Variants in PRPF19 observed in about 807,000 individuals in gnomAD.
PRPF19 encodes pre-mRNA-processing factor 19.
In PRPF19, 2 loss-of-function variants were observed where a neutral mutation model predicts 64.2. That is an observed-to-expected ratio of 0.03 (90% confidence interval 0.01 to 0.10). The LOEUF (loss-of-function observed/expected upper bound fraction) is 0.10. PRPF19 is among the 10% of genes least tolerant of loss of function. PRPF19 has a pLI of 1.00. For missense variants in PRPF19, 314 were observed against 650.0 expected, an observed-to-expected ratio of 0.48 and a Z score of 5.62; for synonymous variants, 226 against 251.6, an observed-to-expected ratio of 0.90 and a Z score of 0.96.
chr11:60,892,192 T>C lies in PRPF19; in HGVS notation c.1418-929A>G, dbSNP rs376779304. On this transcript the variant is annotated intron_variant, in intron 15 of 15. Coordinates refer to ENST00000227524, the MANE Select transcript of PRPF19 (RefSeq NM_014502.5). Reference sequence around the variant, plus strand: ...AGTCACGTACCCAGGGCCACATAACTGTTAGGTTAGAAACCCTGTTACCCA... The same window carrying C: ...AGTCACGTACCCAGGGCCACATAACCGTTAGGTTAGAAACCCTGTTACCCA... 4.3e-4 allele frequency among the ~76,000 whole-genome samples: 66 copies of C among 152,316 alleles called. No homozygotes were observed. In the South Asian group the frequency reaches 0.013, roughly 30 times the overall value.
At chr11:60,899,460 C>T (rs913901770) in intron 10 of PRPF19, among the ~76,000 whole-genome samples, 156 bp from the exon 11 acceptor site, 4 of 152,228 alleles carry the variant, frequency 2.6e-5, no homozygotes, top group Non-Finnish European at 5.9e-5. Flanking sequence ...CAATGGTGCC[C>T]AAGACAGCCA....
At chr11:60,906,211 G>C (rs948116956) in intron 1 of PRPF19, among the ~76,000 whole-genome samples, 153 bp downstream of exon 1, 1 of 148,284 alleles carries the variant, frequency 6.7e-6, no homozygotes, top group Middle Eastern at 3.2e-3. Flanking sequence ...CCGCTCCGAC[G>C]GGGGGGGCTC....
intron 1 of PRPF19, among the ~76,000 whole-genome samples, chr11:60,905,921 C>T (rs1356696137): frequency 6.6e-6 from 1 of 152,232 alleles, no homozygotes; most frequent in Non-Finnish European, 1.5e-5. Context: ...CTCCGACTAT[C>T]CGAGCGAGGC....
At position 60,906,561 on chromosome 11, in the gene PRPF19, CAGCCTTCAGCACCTA is replaced by C; in HGVS notation, c.-194_-180del. ...TGGGAATGGGGACAGCCGCGCGCCACAGCCTTCAGCACCTAACGGAAATTGCCCTTTCCCAGAATG... is the reference window on the plus strand; with the variant it reads ...TGGGAATGGGGACAGCCGCGCGCCACACGGAAATTGCCCTTTCCCAGAATG... On this transcript the variant is annotated 5_prime_UTR_variant, in exon 1 of 16. Transcript: ENST00000227524. The C allele has an allele frequency of 1.6e-6, 1 of 616,080 alleles. No homozygotes were observed. The highest frequency in any genetic ancestry group is 2.8e-6 in the Non-Finnish European group (1 of 362,846). The allele number at this position is 616,080 out of a possible 1,614,324, so 38.2% of individuals were successfully genotyped here. A position where few individuals can be genotyped will look rare whatever the true frequency, so the allele number is the denominator to read the frequency against.
In PRPF19 at chr11:60,901,552, C is replaced by A. The variant is rs761501074; in HGVS notation, c.526-12G>T. 61 of 1,614,122 alleles carry A rather than the reference C, an allele frequency of 3.8e-5. No individual in the cohort carries two copies. In the South Asian group the frequency reaches 6.5e-4, roughly 17 times the overall value. On this transcript the variant is annotated splice_polypyrimidine_tract_variant and intron_variant, in intron 6 of 15. Transcript: ENST00000227524. ...GCTTTGTCTTGAAGCTGGGGAAGAA[C>A]AGGCTCAATGTGAGACAAATCATCT...
At chr11:60,903,130 G>A (rs1331571054) in intron 3 of PRPF19, among the ~76,000 whole-genome samples, 1 of 152,132 alleles carries the variant, frequency 6.6e-6, no homozygotes, top group African/African-American at 2.4e-5. Context: ...CTAACTTACT[G>A]GCAAATCCCA....
In PRPF19 at chr11:60,898,061, G is replaced by A. The variant is rs1215224881; in HGVS notation, c.1311+40C>T. The stretch of plus-strand genomic sequence containing the variant: ...ATTCAATAAATAATTGACAAACAAG[G>A]AGACACAATGGAAAGCTGGGCGGAG... On this transcript the variant is annotated intron_variant, in intron 14 of 15. Coordinates refer to ENST00000227524, the MANE Select transcript of PRPF19 (RefSeq NM_014502.5). This position sits in a 1 kb window ranked among gnomAD's most constrained non-coding sequence, Gnocchi z 4.6. 2.5e-6 allele frequency: 4 copies of A among 1,609,290 alleles called. No homozygotes were observed. Among genetic ancestry groups the A allele is most frequent in the African/African-American group, 1.3e-5 (1 of 74,608 alleles).
intron 15 of PRPF19, among the ~76,000 whole-genome samples, chr11:60,893,660 T>C (rs891262740): frequency 1.3e-5 from 2 of 151,360 alleles, no homozygotes; most frequent in African/African-American, 4.9e-5. Context: ...TCACTACATA[T>C]AAAAGTTATG....
At chr11:60,899,945 T>C (rs1404627993) in intron 10 of PRPF19, among the ~76,000 whole-genome samples, 4 of 152,234 alleles carry the variant, frequency 2.6e-5, no homozygotes. Context: ...AACAGTGCTC[T>C]CAATTTGAAC....
At position 60,897,832 on chromosome 11, in the gene PRPF19, G is replaced by A. The variant is rs1365366374; in HGVS notation, c.1417+14C>T. The A allele has an allele frequency of 6.8e-6, 11 of 1,611,030 alleles. No individual in the cohort carries two copies. Among genetic ancestry groups the A allele is most frequent in the Non-Finnish European group, 9.3e-6 (11 of 1,177,440 alleles). On this transcript the variant is annotated intron_variant, in intron 15 of 15. Coordinates refer to ENST00000227524, the MANE Select transcript of PRPF19 (RefSeq NM_014502.5). The stretch of plus-strand genomic sequence containing the variant: ...CACCTAGAGAGATCCCAGGAGCCCA[G>A]GACCAGCCTCTACCTGTAAAGTGAA...
chr11:60,902,502 C>T lies in PRPF19; in HGVS notation c.463-37G>A. 6.2e-7 allele frequency: 1 copy of T among 1,609,838 alleles called. No homozygotes were observed. Among genetic ancestry groups the T allele is most frequent in the Non-Finnish European group, 8.5e-7 (1 of 1,176,074 alleles). On this transcript the variant is annotated intron_variant, in intron 5 of 15. Coordinates refer to ENST00000227524, the MANE Select transcript of PRPF19 (RefSeq NM_014502.5). This position sits in a 1 kb window ranked among gnomAD's most constrained non-coding sequence, Gnocchi z 5.0. ...AAAGGTGAGGGTGAGAGGCACAGAG[C>T]ACCAAAGACACCTGCATAAGGACAG...
rs1334812028 is a variant in PRPF19 at position 60,890,766 on chromosome 11, C to T, written c.*400G>A. 1 of 459,850 alleles carries T rather than the reference C, an allele frequency of 2.2e-6. No individual in the cohort carries two copies. Among genetic ancestry groups the T allele is most frequent in the East Asian group, 6.8e-5 (1 of 14,622 alleles). 28.5% of individuals were successfully genotyped at this position (459,850 alleles called of 1,614,324 possible). A position where few individuals can be genotyped will look rare whatever the true frequency, so the allele number is the denominator to read the frequency against. On this transcript the variant is annotated 3_prime_UTR_variant, in exon 16 of 16. Coordinates refer to ENST00000227524, the MANE Select transcript of PRPF19 (RefSeq NM_014502.5). ...TTTTTTTAATGAAACTAGATCACTG[C>T]TTACAAAACCCTGCACAAGCCCTCC...
At chr11:60,896,521 A>G (rs1432052692) in intron 15 of PRPF19, among the ~76,000 whole-genome samples, 3 of 152,186 alleles carry the variant, frequency 2.0e-5, no homozygotes, top group Admixed American at 6.5e-5. Flanking sequence ...TTCTCATGAT[A>G]GTGAGTTCTC....
chr11:60,897,369 T>G (rs373090275), intron 15 of PRPF19, among the ~76,000 whole-genome samples: 75 of 152,348 alleles, frequency 4.9e-4, no homozygotes, highest in African/African-American at 1.8e-3. Context: ...TAGATATATG[T>G]AAGTTCACTC....
chr11:60,906,491 G>A lies in PRPF19; in HGVS notation c.-109C>T. The A allele has an allele frequency of 8.2e-7, 1 of 1,221,634 alleles. No homozygotes were observed. The highest frequency in any genetic ancestry group is 1.1e-6 in the Non-Finnish European group (1 of 877,668). 75.7% of individuals were successfully genotyped at this position (1,221,634 alleles called of 1,614,324 possible). A position where few individuals can be genotyped will look rare whatever the true frequency, so the allele number is the denominator to read the frequency against. On this transcript the variant is annotated 5_prime_UTR_variant, in exon 1 of 16. Coordinates refer to ENST00000227524, the MANE Select transcript of PRPF19 (RefSeq NM_014502.5). ...GCTGCTGCCGGGACTGCTCCGCGGCGAGCTGGGAGCCGCCAGCCGAGCGAT... is the reference window on the plus strand; with the variant it reads ...GCTGCTGCCGGGACTGCTCCGCGGCAAGCTGGGAGCCGCCAGCCGAGCGAT...
Position 60,897,797 on chromosome 11 carries a change from C to T in PRPF19, c.1417+49G>A, listed in dbSNP as rs767487354. 41 of 1,521,754 alleles carry T rather than the reference C, an allele frequency of 2.7e-5. No homozygotes were observed. In the Admixed American group the frequency reaches 5.9e-4, roughly 22 times the overall value. The allele number at this position is 1,521,754 out of a possible 1,614,324, so 94.3% of individuals were successfully genotyped here. On this transcript the variant is annotated intron_variant, in intron 15 of 15. Coordinates refer to ENST00000227524, the MANE Select transcript of PRPF19 (RefSeq NM_014502.5). ...TTCCTAACCCAGTGAGGCTTCCCTCCGGGCCTGGGCACCTAGAGAGATCCC... is the reference window on the plus strand; with the variant it reads ...TTCCTAACCCAGTGAGGCTTCCCTCTGGGCCTGGGCACCTAGAGAGATCCC...
intron 15 of PRPF19, among the ~76,000 whole-genome samples, chr11:60,893,945 A>G (rs1219023995): frequency 2.0e-5 from 3 of 152,262 alleles, no homozygotes; most frequent in Non-Finnish European, 4.4e-5. Flanking sequence ...TTTACACTAT[A>G]CTGTAGTCTA....
chr11:60,905,802 T>C (rs917104326), intron 1 of PRPF19, among the ~76,000 whole-genome samples: 3 of 152,250 alleles, frequency 2.0e-5, no homozygotes, highest in Admixed American at 6.5e-5. Flanking sequence ...GGCTTATAAA[T>C]GTGCGCTGTT....
At chr11:60,893,105 A>T (rs2134855945) in intron 15 of PRPF19, among the ~76,000 whole-genome samples, 1 of 152,336 alleles carries the variant, frequency 6.6e-6, no homozygotes, top group South Asian at 2.1e-4. Context: ...TCACCAAGTG[A>T]TGTCATAACC....
Sources: allele counts gnomAD v4.1 joint callset (sites outside exome capture counted in the v4.1 genomes callset), GRCh38; gene constraint gnomAD v4.1.1; non-coding constraint Gnocchi (gnomAD v3.1); transcripts MANE v1.5; gene names NCBI Gene and HGNC (gene_info 2026-07-23, HGNC 2026-07-21).